ERC2: variants seen among roughly 807,000 people sequenced by gnomAD.
ERC2 encodes the protein ELKS/RAB6-interacting/CAST family member 2.
ERC2 carries 42 observed loss-of-function variants against 114.8 expected under a neutral mutation model. That is an observed-to-expected ratio of 0.37 (90% CI 0.29 to 0.47). ERC2 has a LOEUF of 0.47. Ranked by LOEUF, ERC2 falls within the 20% of genes least tolerant of loss-of-function variation. The probability of loss-of-function intolerance (pLI) is 0.99; values close to 1 mark genes in which losing one functional copy is unlikely to be tolerated. For missense variants in ERC2, 939 were observed against 1,150.7 expected, an observed-to-expected ratio of 0.82 and a Z score of 2.66; for synonymous variants, 454 against 425.5, an observed-to-expected ratio of 1.07 and a Z score of -0.82.
At chr3:56,148,480 T>G (rs1431298408) in intron 5 of ERC2, among the ~76,000 whole-genome samples, 1 of 151,986 alleles carries the variant, frequency 6.6e-6, no homozygotes, top group Non-Finnish European at 1.5e-5. Flanking sequence ...AGAGACAGGG[T>G]TTCACCACGT....
chr3:56,029,206 T>C (rs1442985102), intron 7 of ERC2, among the ~76,000 whole-genome samples: 13 of 152,076 alleles, frequency 8.5e-5, no homozygotes, highest in Admixed American at 7.2e-4. Flanking sequence ...ATGTAATATT[T>C]TGTTGGAGAG....
At chr3:55,864,928 T>C (rs999078363) in intron 14 of ERC2, among the ~76,000 whole-genome samples, 11 of 152,186 alleles carry the variant, frequency 7.2e-5, no homozygotes, top group African/African-American at 2.4e-4. Flanking sequence ...ACCAACACCA[T>C]TATCACCATC....
At position 55,688,328 on chromosome 3, in the gene ERC2, G is replaced by A. The variant is rs185474151; in HGVS notation, c.2848-4469C>T. 3.2e-3 allele frequency among the ~76,000 whole-genome samples: 480 copies of A among 152,288 alleles called. 2 individuals are homozygous for A. The highest frequency in any genetic ancestry group is 0.011 in the African/African-American group (466 of 41,564). ...CAAGGCCCAGTGACACAGGTGTCAG[G>A]AGGTTCTTTGTGCAGATATGGAAAG... On this transcript the variant is annotated intron_variant, in intron 16 of 17. Coordinates refer to ENST00000288221, the MANE Select transcript of ERC2 (RefSeq NM_015576.3).
At chr3:56,411,556 A>T (rs2060941438) in intron 2 of ERC2, among the ~76,000 whole-genome samples, 1 of 152,108 alleles carries the variant, frequency 6.6e-6, no homozygotes, top group African/African-American at 2.4e-5. Flanking sequence ...TCCTCTGTTA[A>T]AGTCATATGC....
At chr3:56,287,592 G>A (rs1396632813) in intron 3 of ERC2, among the ~76,000 whole-genome samples, 1 of 152,182 alleles carries the variant, frequency 6.6e-6, no homozygotes, top group Non-Finnish European at 1.5e-5. Flanking sequence ...ATAAATCAGA[G>A]CCTTTTGCAT....
chr3:55,746,755 T>C (rs1237471002), intron 14 of ERC2, among the ~76,000 whole-genome samples: 1 of 152,212 alleles, frequency 6.6e-6, no homozygotes, highest in African/African-American at 2.4e-5. Flanking sequence ...TGATCCCTTC[T>C]GGGAGAGGGG....
At chr3:56,444,011 G>A (rs1278996405) in intron 1 of ERC2, among the ~76,000 whole-genome samples, 1 of 122,540 alleles carries the variant, frequency 8.2e-6, no homozygotes, top group African/African-American at 3.2e-5. Context: ...CGCCCAGGCT[G>A]GAGAGCAGTG....
chr3:56,369,590 C>G (rs977618425), intron 2 of ERC2, among the ~76,000 whole-genome samples: 1 of 152,222 alleles, frequency 6.6e-6, no homozygotes, highest in Admixed American at 6.5e-5. Flanking sequence ...AAGATGTAAC[C>G]CAGCTAACCA....
At chr3:55,997,407 AG>A (rs2071602646) in intron 10 of ERC2, among the ~76,000 whole-genome samples, 1 of 151,574 alleles carries the variant, frequency 6.6e-6, no homozygotes, top group Admixed American at 6.6e-5. Flanking sequence ...ATTTGACTAC[AG>A]TCTTCTAAAA....
At chr3:55,885,666 T>A (rs575086317) in intron 14 of ERC2, among the ~76,000 whole-genome samples, 4 of 152,366 alleles carry the variant, frequency 2.6e-5, no homozygotes, top group African/African-American at 9.6e-5. Flanking sequence ...AAAGTTTATA[T>A]GTTTTAGAAA....
intron 2 of ERC2, among the ~76,000 whole-genome samples, chr3:56,329,903 C>A (rs2057529289): frequency 6.7e-6 from 1 of 148,950 alleles, no homozygotes; most frequent in Non-Finnish European, 1.5e-5. Context: ...ATATATATTT[C>A]AAATATTCAT....
chr3:56,315,657 A>G (rs1281849996), intron 2 of ERC2, among the ~76,000 whole-genome samples: 1 of 152,186 alleles, frequency 6.6e-6, no homozygotes, highest in Non-Finnish European at 1.5e-5. Flanking sequence ...CCAAAAGTAC[A>G]GTAAAAACTA....
chr3:56,172,045 T>A (rs559240486), intron 4 of ERC2, among the ~76,000 whole-genome samples: 3 of 143,172 alleles, frequency 2.1e-5, no homozygotes, highest in Non-Finnish European at 3.1e-5. Context: ...TTTTTTTTTT[T>A]AAAGCCTTAA....
chr3:56,333,581 T>C (rs1405523148), intron 2 of ERC2, among the ~76,000 whole-genome samples: 2 of 152,256 alleles, frequency 1.3e-5, no homozygotes, highest in Non-Finnish European at 2.9e-5. Context: ...CCTATGTCTA[T>C]GTAAAAGATC....
At chr3:56,219,200 G>C (rs2049726520) in intron 3 of ERC2, among the ~76,000 whole-genome samples, 1 of 152,054 alleles carries the variant, frequency 6.6e-6, no homozygotes, top group Non-Finnish European at 1.5e-5. Flanking sequence ...TTGGGTGATG[G>C]ATGCACCAGA....
chr3:55,680,421 C>T lies in ERC2; in HGVS notation c.*39+3373G>A, dbSNP rs541117075. On this transcript the variant is annotated intron_variant, in intron 17 of 17. Coordinates refer to ENST00000288221, the MANE Select transcript of ERC2 (RefSeq NM_015576.3). ...CCTACCTCATTGATGTTCGCAAACC[C>T]GAATGCCTCTTGGGGGATCCATGGA... Among the ~76,000 whole-genome samples, 5 of 152,224 alleles carry T rather than the reference C, an allele frequency of 3.3e-5. No homozygotes were observed. In the South Asian group the frequency reaches 8.3e-4, roughly 25 times the overall value.
rs376483888 is a variant in ERC2, at chr3:56,327,757, A to G, written c.658-31322T>C. On this transcript the variant is annotated intron_variant, in intron 2 of 17. Transcript: ENST00000288221. ...CAACAGAGACCTCCCTTCTGAATCG[A>G]GGGAATCAGAGAAACCCTAACCAGC... Among the ~76,000 whole-genome samples the G allele has an allele frequency of 3.3e-5, 5 of 152,324 alleles. No homozygotes were observed. In the South Asian group the frequency reaches 1.0e-3, roughly 32 times the overall value.
intron 3 of ERC2, among the ~76,000 whole-genome samples, chr3:56,203,379 G>A (rs772884438): frequency 1.4e-4 from 22 of 152,172 alleles, no homozygotes; most frequent in Non-Finnish European, 3.2e-4. Flanking sequence ...CTTAAAAGGG[G>A]TACAATTAGG....
At chr3:56,157,175 T>C (rs375155731) in intron 4 of ERC2, among the ~76,000 whole-genome samples, 1 of 152,152 alleles carries the variant, frequency 6.6e-6, no homozygotes, top group East Asian at 1.9e-4. Flanking sequence ...AGGCCACATA[T>C]TGGGACCTTG....
Sources: allele counts gnomAD v4.1 joint callset (sites outside exome capture counted in the v4.1 genomes callset), GRCh38; gene constraint gnomAD v4.1.1; transcripts MANE v1.5; gene names NCBI Gene and HGNC (gene_info 2026-07-23, HGNC 2026-07-21).